Variants in KIF1C observed in about 807,000 individuals in gnomAD.
KIF1C encodes kinesin-like protein KIF1C.
Under a neutral mutation model 126.5 loss-of-function variants are expected in KIF1C, and 61 were observed. The ratio of observed to expected loss-of-function variants is 0.48; its 90% CI spans 0.39 to 0.60. The LOEUF (loss-of-function observed/expected upper bound fraction) is 0.60. Among genes scored for constraint, KIF1C ranks in the 20% least tolerant of loss-of-function variants. The probability of loss-of-function intolerance (pLI) is 0.00; values close to 1 mark genes in which losing one functional copy is unlikely to be tolerated. For synonymous variants in KIF1C, 640 were observed against 580.6 expected (o/e 1.10, Z -1.47); for missense variants, 1,315 against 1,489.2 (o/e 0.88, Z 1.93).
intron 13 of KIF1C, among the ~76,000 whole-genome samples, chr17:5,005,872 G>A (rs989361013): frequency 1.3e-5 from 2 of 151,106 alleles, no homozygotes; most frequent in East Asian, 2.0e-4. Context: ...GATTACAGGC[G>A]CCCACCACCA....
At position 5,024,784 on chromosome 17, in the gene KIF1C, A is replaced by T. The variant is rs1045453175; in HGVS notation, c.*633A>T. 1.3e-5 allele frequency: 2 copies of T among 152,704 alleles called. No individual in the cohort carries two copies. Among genetic ancestry groups the T allele is most frequent in the African/African-American group, 4.8e-5 (2 of 41,428 alleles). The allele number at this position is 152,704 out of a possible 1,614,324, so 9.5% of individuals were successfully genotyped here. A position where few individuals can be genotyped will look rare whatever the true frequency, so the allele number is the denominator to read the frequency against. Reference sequence around the variant, plus strand: ...GGCACAGGTCTTAAGCATACTTATCAGTGAAGTATTGTATGTGTGCTCTGT... The same window carrying T: ...GGCACAGGTCTTAAGCATACTTATCTGTGAAGTATTGTATGTGTGCTCTGT... On this transcript the variant is annotated 3_prime_UTR_variant, in exon 23 of 23. Transcript: ENST00000320785.
chr17:5,010,835 G>C (rs1352538841), intron 16 of KIF1C, among the ~76,000 whole-genome samples: 3 of 151,256 alleles, frequency 2.0e-5, no homozygotes, highest in East Asian at 3.9e-4. Context: ...TTTTGAGATG[G>C]AGTCTTGCTG....
At chr17:5,013,543 G>A (rs1391818357) in intron 16 of KIF1C, 110 bp from the exon 17 acceptor site, 11 of 737,122 alleles carry the variant, frequency 1.5e-5, no homozygotes, top group East Asian at 8.0e-5. Context: ...GTGAGGGGGC[G>A]CAGCTGGCAG....
intron 21 of KIF1C, among the ~76,000 whole-genome samples, chr17:5,021,174 T>C (rs1329077874): frequency 7.2e-6 from 1 of 139,780 alleles, no homozygotes; most frequent in African/African-American, 2.7e-5. Flanking sequence ...TTGTGGTTTT[T>C]TTTTTTTTTT....
chr17:5,002,306 C>T (rs1427842879), intron 6 of KIF1C, among the ~76,000 whole-genome samples, 158 bp from the exon 7 acceptor site: 1 of 152,208 alleles, frequency 6.6e-6, no homozygotes, highest in Non-Finnish European at 1.5e-5. Flanking sequence ...GGACACACCT[C>T]CTGGCTTGTT....
intron 1 of KIF1C, among the ~76,000 whole-genome samples, chr17:4,999,501 TTG>T (rs1414226664): frequency 1.3e-5 from 2 of 152,028 alleles, no homozygotes; most frequent in Non-Finnish European, 2.9e-5. Flanking sequence ...GGCTTGCCTT[TTG>T]TCTTATTTCT....
In KIF1C at chr17:5,002,742, C is replaced by T. The variant is rs781604565; in HGVS notation, c.620C>T (p.Ala207Val). Residue 207 changes from alanine (A) to valine (V), a missense_variant, in exon 8 of 23, where the codon GCC (alanine) becomes GTC (valine). This residue lies in a region of KIF1C where 874 missense variants were observed against 1,053.2 expected (regional missense o/e 0.83). Transcript: ENST00000320785. ...DCGNKARTVA[A>V]TNMNETSSRS... Reference sequence around the variant, plus strand: ...TTCTTTACCCTAAGGACTGTGGCTGCCACCAACATGAATGAGACCAGCAGC... The same window carrying T: ...TTCTTTACCCTAAGGACTGTGGCTGTCACCAACATGAATGAGACCAGCAGC... The T allele has an allele frequency of 1.9e-6, 3 of 1,614,054 alleles. No homozygotes were observed. The Admixed American group carries it at 5.0e-5, about 27-fold the overall frequency.
intron 18 of KIF1C, among the ~76,000 whole-genome samples, chr17:5,016,140 CT>C (rs113644919): frequency 0.14 from 19,230 of 136,638 alleles, 1,439 homozygotes; most frequent in African/African-American, 0.21. Context: ...ATGGTCAGCA[CT>C]TTTTTTTTTT....
intron 4 of KIF1C, 59 bp from the exon 5 acceptor site, chr17:5,001,163 C>A: frequency 1.3e-6 from 2 of 1,540,544 alleles, no homozygotes; most frequent in Admixed American, 1.7e-5. Flanking sequence ...GGGACAGAGA[C>A]ACAAAGGATA....
intron 16 of KIF1C, among the ~76,000 whole-genome samples, chr17:5,008,027 G>C (rs565094401): frequency 3.9e-5 from 6 of 152,266 alleles, no homozygotes; most frequent in Non-Finnish European, 7.4e-5. Flanking sequence ...TGGAGAAGGT[G>C]GTTTGGAAAG....
At chr17:5,010,083 C>T (rs1285671416) in intron 16 of KIF1C, among the ~76,000 whole-genome samples, 5 of 152,008 alleles carry the variant, frequency 3.3e-5, no homozygotes, top group Admixed American at 3.3e-4. Flanking sequence ...CCCACCACCA[C>T]GCCGGGCTAA....
intron 18 of KIF1C, among the ~76,000 whole-genome samples, chr17:5,017,355 A>G (rs1255214856): frequency 1.5e-5 from 2 of 133,784 alleles, no homozygotes; most frequent in Non-Finnish European, 3.0e-5. Context: ...GCTCGAGTGC[A>G]GTGGCGCGAT....
At chr17:5,019,318 T>G (rs1975041124) in intron 18 of KIF1C, 1 of 167,906 alleles carries the variant, frequency 6.0e-6, no homozygotes, top group East Asian at 1.9e-4. Flanking sequence ...AATTGACTTG[T>G]TCAGCATCCC....
intron 14 of KIF1C, 59 bp downstream of exon 14, chr17:5,007,143 C>T: frequency 6.3e-7 from 1 of 1,577,240 alleles, no homozygotes; most frequent in Non-Finnish European, 8.6e-7. Flanking sequence ...GTTTACTTCT[C>T]CAAAGTCAAG....
At chr17:5,002,955 C>A in intron 8 of KIF1C, 113 bp downstream of exon 8, 1 of 782,020 alleles carries the variant, frequency 1.3e-6, no homozygotes, top group Admixed American at 2.2e-5. Flanking sequence ...GGTTGAGTGC[C>A]TCCTCAGGAC....
At chr17:5,015,968 A>G (rs1485389540) in intron 18 of KIF1C, among the ~76,000 whole-genome samples, 3 of 152,002 alleles carry the variant, frequency 2.0e-5, no homozygotes, top group African/African-American at 7.3e-5. Context: ...TTGGGTTCAC[A>G]TAAGCTCAAG....
In KIF1C at chr17:5,028,115, C is replaced by T. The variant is rs1975239660; in HGVS notation, c.*3964C>T. On this transcript the variant is annotated 3_prime_UTR_variant, in exon 23 of 23. Transcript: ENST00000320785. Reference sequence around the variant, plus strand: ...CAGGCTGTCCTGTGAGTGACAGCAGCTATTTCGTGGGCCTCCTCTGGAATC... The same window carrying T: ...CAGGCTGTCCTGTGAGTGACAGCAGTTATTTCGTGGGCCTCCTCTGGAATC... The T allele has an allele frequency of 6.6e-6, 1 of 152,174 alleles. No individual in the cohort carries two copies. The highest frequency in any genetic ancestry group is 1.5e-5 in the Non-Finnish European group (1 of 68,044). The allele number at this position is 152,174 out of a possible 1,614,324, so 9.4% of individuals were successfully genotyped here.
intron 13 of KIF1C, among the ~76,000 whole-genome samples, chr17:5,006,032 C>T (rs112027544): frequency 0.034 from 5,223 of 151,504 alleles, 299 homozygotes; most frequent in African/African-American, 0.12. Context: ...CATGGTGAAA[C>T]CCCGTCTCTA....
At chr17:5,003,335 C>T (rs943051316) in intron 8 of KIF1C, among the ~76,000 whole-genome samples, 6 of 152,208 alleles carry the variant, frequency 3.9e-5, no homozygotes, top group Non-Finnish European at 8.8e-5. Context: ...ATGTGAGCCA[C>T]CACACCCGGC....
Sources: gnomAD v4.1 joint callset for allele counts (sites outside exome capture counted in the v4.1 genomes callset) on GRCh38, gnomAD v4.1.1 for gene constraint, gnomAD v4.1.1 regional missense constraint, MANE v1.5 for transcripts, NCBI Gene and HGNC (gene_info 2026-07-23, HGNC 2026-07-21) for gene names.